The following LHFPL2 variants were observed in gnomAD, a reference collection of about 807,000 sequenced individuals.
LHFPL2 encodes the protein LHFPL tetraspan subfamily member 2 protein.
LHFPL2 carries 7 observed loss-of-function variants against 17.5 expected under a neutral mutation model. The observed-to-expected ratio is 0.40, with a 90% CI of 0.23 to 0.75. LHFPL2 has a LOEUF of 0.75. LHFPL2 is among the 30% of genes least tolerant of loss of function. The pLI is 0.37. For missense variants in LHFPL2, 241 were observed against 294.8 expected (o/e 0.82, Z 1.34); for synonymous variants, 134 against 116.2 (o/e 1.15, Z -0.99).
intron 3 of LHFPL2, among the ~76,000 whole-genome samples, chr5:78,513,762 C>T (rs1755207221): frequency 6.6e-6 from 1 of 152,216 alleles, no homozygotes. Context: ...CTCTTGTCTG[C>T]CACCATGTAA....
chr5:78,620,350 GTTGT>G (rs1744804785), intron 2 of LHFPL2, among the ~76,000 whole-genome samples: 4 of 152,202 alleles, frequency 2.6e-5, no homozygotes, highest in South Asian at 4.2e-4. Context: ...TTTTGGTGGG[GTTGT>G]TTGTTTTTTT....
At chr5:78,646,385 T>C (rs1745879574) in intron 1 of LHFPL2, among the ~76,000 whole-genome samples, 1 of 152,230 alleles carries the variant, frequency 6.6e-6, no homozygotes, top group African/African-American at 2.4e-5. Flanking sequence ...TACCTGATAA[T>C]CATCAGTAAC....
At chr5:78,597,871 G>A (rs555497313) in intron 2 of LHFPL2, among the ~76,000 whole-genome samples, 24 of 152,266 alleles carry the variant, frequency 1.6e-4, no homozygotes, top group Admixed American at 3.9e-4. Flanking sequence ...CACTGGGCAA[G>A]CTTGTTAGAA....
chr5:78,522,469 C>T (rs549953548), intron 3 of LHFPL2, among the ~76,000 whole-genome samples: 47 of 152,264 alleles, frequency 3.1e-4, no homozygotes, highest in African/African-American at 1.1e-3. Context: ...AAAGGAGTCT[C>T]TCACATTGCT....
intron 3 of LHFPL2, among the ~76,000 whole-genome samples, chr5:78,544,991 C>T (rs749543281): frequency 2.3e-4 from 35 of 152,084 alleles, no homozygotes; most frequent in Non-Finnish European, 3.8e-4. Flanking sequence ...TCCTCTGGAT[C>T]GTGCATCACT....
intron 2 of LHFPL2, among the ~76,000 whole-genome samples, chr5:78,572,331 T>G (rs968286524): frequency 6.6e-6 from 1 of 152,086 alleles, no homozygotes; most frequent in African/African-American, 2.4e-5. Context: ...CTCAGAGGTA[T>G]GTATGTATTA....
intron 2 of LHFPL2, among the ~76,000 whole-genome samples, chr5:78,628,971 A>T (rs548076081): frequency 2.2e-4 from 34 of 152,354 alleles, no homozygotes; most frequent in Admixed American, 2.0e-3. Context: ...ACCTGAGAAA[A>T]CAGGATTTCA....
At chr5:78,621,093 C>A (rs925747350) in intron 2 of LHFPL2, among the ~76,000 whole-genome samples, 1 of 151,854 alleles carries the variant, frequency 6.6e-6, no homozygotes, top group Non-Finnish European at 1.5e-5. Context: ...ATGACACCAT[C>A]CTTTAACTGA....
chr5:78,603,900 G>A (rs146561896), intron 2 of LHFPL2, among the ~76,000 whole-genome samples: 1 of 152,286 alleles, frequency 6.6e-6, no homozygotes, highest in East Asian at 1.9e-4. Flanking sequence ...TGTGGGCCAG[G>A]TGCAGTGGCT....
chr5:78,511,864 G>T (rs1463444566), intron 3 of LHFPL2, among the ~76,000 whole-genome samples: 1 of 152,192 alleles, frequency 6.6e-6, no homozygotes, highest in Non-Finnish European at 1.5e-5. Context: ...AATTGTCAGG[G>T]TGTGTGTGCG....
rs572410313 is a variant in LHFPL2, at chr5:78,606,864, A to ACGGGGTTTCACCATGTTGG, written c.-245+25381_-245+25399dup. Among the ~76,000 whole-genome samples, 547 of 152,054 alleles carry ACGGGGTTTCACCATGTTGG rather than the reference A, an allele frequency of 3.6e-3. 2 individuals are homozygous for ACGGGGTTTCACCATGTTGG. Among genetic ancestry groups the ACGGGGTTTCACCATGTTGG allele is most frequent in the Middle Eastern group, 0.017 (5 of 294 alleles). ...TACTTTTTAAATATTTTTAGTAGAG[A>ACGGGGTTTCACCATGTTGG]CGGGGTTTCACCATGTTGGCCAGGC... On this transcript the variant is annotated intron_variant, in intron 2 of 4. Coordinates refer to ENST00000380345, the MANE Select transcript of LHFPL2 (RefSeq NM_005779.3).
chr5:78,622,415 T>C (rs2112501312), intron 2 of LHFPL2, among the ~76,000 whole-genome samples: 1 of 152,336 alleles, frequency 6.6e-6, no homozygotes, highest in Non-Finnish European at 1.5e-5. Context: ...AACAATTTTA[T>C]GAAGTAGGCA....
chr5:78,644,392 AT>A, intron 1 of LHFPL2: 2 of 867,572 alleles, frequency 2.3e-6, no homozygotes. Flanking sequence ...TCCTTTTCAT[AT>A]TTTTCCTTCA....
chr5:78,508,735 T>C (rs550260816), intron 4 of LHFPL2, among the ~76,000 whole-genome samples: 61 of 152,346 alleles, frequency 4.0e-4, no homozygotes, highest in South Asian at 1.9e-3. Flanking sequence ...CACACAGCTC[T>C]AGAATTTGCT....
At chr5:78,632,670 C>G (rs1745295902) in intron 1 of LHFPL2, among the ~76,000 whole-genome samples, 1 of 152,182 alleles carries the variant, frequency 6.6e-6, no homozygotes, top group South Asian at 2.1e-4. Flanking sequence ...CTTCTATATG[C>G]CTGGAAATGC....
Position 78,489,555 on chromosome 5 carries a change from C to T in LHFPL2, c.431-402G>A, listed in dbSNP as rs1330681853. Among the ~76,000 whole-genome samples the T allele has an allele frequency of 2.0e-5, 3 of 152,130 alleles. No individual in the cohort carries two copies. The East Asian group carries it at 5.8e-4, about 29-fold the overall frequency. ...AGTAGCTCGGATTACAGGCACACAC[C>T]ACCACACCTGGCTAAGTTTTTAAGT... is the stretch of plus-strand genomic sequence containing the variant. On this transcript the variant is annotated intron_variant, in intron 4 of 4. Transcript: ENST00000380345.
chr5:78,582,661 T>A (rs1238468873), intron 2 of LHFPL2, among the ~76,000 whole-genome samples: 1 of 152,248 alleles, frequency 6.6e-6, no homozygotes, highest in African/African-American at 2.4e-5. Flanking sequence ...CAGTTTGTTA[T>A]AATTCCTGTT....
At chr5:78,517,790 C>A (rs894804471) in intron 3 of LHFPL2, among the ~76,000 whole-genome samples, 36 of 152,204 alleles carry the variant, frequency 2.4e-4, no homozygotes, top group African/African-American at 8.2e-4. Flanking sequence ...GGGGACACAG[C>A]CAAACCATAC....
intron 3 of LHFPL2, among the ~76,000 whole-genome samples, chr5:78,558,907 C>A (rs1304772889): frequency 1.3e-5 from 2 of 152,144 alleles, no homozygotes; most frequent in Non-Finnish European, 2.9e-5. Flanking sequence ...CATAAGAATT[C>A]TCTTAAGGCC....
Sources: gnomAD v4.1 joint callset for allele counts (sites outside exome capture counted in the v4.1 genomes callset) on GRCh38, gnomAD v4.1.1 for gene constraint, MANE v1.5 for transcripts, NCBI Gene and HGNC (gene_info 2026-07-23, HGNC 2026-07-21) for gene names.